TOM1L2: variants seen among roughly 807,000 people sequenced by gnomAD.
TOM1L2 encodes the protein target of myb1 like 2 membrane trafficking protein.
A neutral mutation model predicts 67.9 loss-of-function variants in TOM1L2; 31 were observed. The ratio of observed to expected loss-of-function variants is 0.46; its 90% CI spans 0.34 to 0.62. The LOEUF (loss-of-function observed/expected upper bound fraction) is 0.62. Ranked by LOEUF, TOM1L2 falls within the 20% of genes least tolerant of loss-of-function variation. The pLI is 0.01. For missense variants in TOM1L2, 606 were observed against 663.5 expected (o/e 0.91, Z 0.95); for synonymous variants, 256 against 254.0 (o/e 1.01, Z -0.07).
intron 12 of TOM1L2, chr17:17,857,945 C>T: frequency 8.4e-7 from 1 of 1,184,668 alleles, no homozygotes; most frequent in Non-Finnish European, 1.2e-6. Flanking sequence ...AGACGTGATC[C>T]TTTGCCACGT....
intron 5 of TOM1L2, among the ~76,000 whole-genome samples, chr17:17,883,559 C>T (rs906850389): frequency 2.6e-5 from 4 of 152,008 alleles, no homozygotes; most frequent in Non-Finnish European, 5.9e-5. Context: ...ACAATGAAAC[C>T]CTGTCTCTAC....
intron 1 of TOM1L2, among the ~76,000 whole-genome samples, chr17:17,934,022 A>G (rs1568317481): frequency 1.3e-5 from 2 of 152,202 alleles, no homozygotes; most frequent in Non-Finnish European, 2.9e-5. Flanking sequence ...TTTAGATACT[A>G]GGTTAGGAAA....
chr17:17,945,601 TTCTC>T (rs796803455), intron 1 of TOM1L2, among the ~76,000 whole-genome samples: 62 of 152,312 alleles, frequency 4.1e-4, no homozygotes, highest in African/African-American at 1.4e-3. Context: ...CATACCCATC[TTCTC>T]TCTATTTACA....
intron 1 of TOM1L2, among the ~76,000 whole-genome samples, chr17:17,912,942 G>A (rs573843462): frequency 6.6e-6 from 1 of 152,348 alleles, no homozygotes; most frequent in Non-Finnish European, 1.5e-5. Context: ...CCGGCACCTC[G>A]GGAGGCCGAG....
rs1409025893 is a variant in TOM1L2, at chr17:17,850,964, G to C, written c.1279-12C>G. 3 of 1,613,372 alleles carry C rather than the reference G, an allele frequency of 1.9e-6. No homozygotes were observed. Among genetic ancestry groups the C allele is most frequent in the Admixed American group, 3.3e-5 (2 of 59,996 alleles). ...TGCGCAACGGGGATCTATGGAGGCG[G>C]CAAGCAGCGGGCCAGGCAGCCCCCA... is the stretch of plus-strand genomic sequence containing the variant. On this transcript the variant is annotated splice_polypyrimidine_tract_variant and intron_variant, in intron 12 of 14. Transcript: ENST00000379504.
chr17:17,881,297 C>G (rs1350840403), intron 6 of TOM1L2, among the ~76,000 whole-genome samples: 1 of 152,136 alleles, frequency 6.6e-6, no homozygotes, highest in African/African-American at 2.4e-5. Context: ...CTCTGAAGCC[C>G]TGGGTCCTCT....
In TOM1L2 at chr17:17,857,593, A is replaced by G. The variant is rs146944644; in HGVS notation, c.1278+3883T>C. ...TTTTGGGACTGGGAATCTGTGGCTT[A>G]CAGAGATTATGCAAAAATAGGAGGG... On this transcript the variant is annotated intron_variant, in intron 12 of 14. Transcript: ENST00000379504. Among the ~76,000 whole-genome samples, 28 of 152,336 alleles carry G rather than the reference A, an allele frequency of 1.8e-4. No homozygotes were observed. In the East Asian group the frequency reaches 3.9e-3, roughly 21 times the overall value.
At chr17:17,968,122 C>T (rs1179877002) in intron 1 of TOM1L2, among the ~76,000 whole-genome samples, 4 of 152,176 alleles carry the variant, frequency 2.6e-5, no homozygotes, top group South Asian at 2.1e-4. Flanking sequence ...CTCCACCAAC[C>T]GCTCAGACAG....
At chr17:17,882,952 C>A (rs2037808254) in intron 5 of TOM1L2, 89 bp from the exon 6 acceptor site, 2 of 1,501,830 alleles carry the variant, frequency 1.3e-6, no homozygotes, top group Non-Finnish European at 1.8e-6. Flanking sequence ...AGCACTTCCC[C>A]AAGGCTGCCC....
chr17:17,962,656 C>A (rs1395796776), intron 1 of TOM1L2, among the ~76,000 whole-genome samples: 1 of 151,852 alleles, frequency 6.6e-6, no homozygotes, highest in Admixed American at 6.6e-5. Flanking sequence ...ACACTTAAAA[C>A]CAGTTAAAAT....
At chr17:17,910,981 G>A (rs1188918292) in intron 1 of TOM1L2, among the ~76,000 whole-genome samples, 1 of 152,210 alleles carries the variant, frequency 6.6e-6, no homozygotes, top group Non-Finnish European at 1.5e-5. Flanking sequence ...TTTGCCTTCT[G>A]GTGTTGGCTG....
chr17:17,864,145 A>G (rs1326899407), intron 10 of TOM1L2, among the ~76,000 whole-genome samples: 2 of 152,042 alleles, frequency 1.3e-5, no homozygotes, highest in African/African-American at 4.8e-5. Context: ...CTGGGATTAC[A>G]GGCGTGAGCC....
chr17:17,910,243 A>G (rs1186558688), intron 1 of TOM1L2, among the ~76,000 whole-genome samples: 1 of 152,172 alleles, frequency 6.6e-6, no homozygotes, highest in African/African-American at 2.4e-5. Context: ...CCAGGAGCTC[A>G]GGATCGTCAG....
chr17:17,869,439 C>T lies in TOM1L2; in HGVS notation c.812G>A (p.Arg271His). The change falls in exon 8 of 15, where the codon CGC (arginine) becomes CAC (histidine). Residue 271 changes from arginine to histidine, a missense_variant. By Grantham distance (29) the Arg-to-His change is conservative (BLOSUM62 0). Transcript: ENST00000379504. ...CACGCGGGAGATGAGCTCCACGATG[C>T]GCTGCTGCATGGCCCGACAGGTCCT... ...LNRTCRAMQQ[R>H]IVELISRVSN... is the part of the protein sequence containing the mutation. 1.9e-6 allele frequency: 3 copies of T among 1,612,806 alleles called. No homozygotes were observed. The highest frequency in any genetic ancestry group is 2.5e-6 in the Non-Finnish European group (3 of 1,179,696).
At chr17:17,908,054 A>G (rs890270876) in intron 1 of TOM1L2, among the ~76,000 whole-genome samples, 5 of 152,242 alleles carry the variant, frequency 3.3e-5, no homozygotes, top group African/African-American at 1.2e-4. Context: ...ATTATTAAAA[A>G]TCAATTGCAG....
chr17:17,847,731 G>T lies in TOM1L2; in HGVS notation c.1428C>A (p.Asp476Glu), dbSNP rs761812249. 7 of 1,614,060 alleles carry T rather than the reference G, an allele frequency of 4.3e-6. No individual in the cohort carries two copies. The highest frequency in any genetic ancestry group is 4.2e-6 in the Non-Finnish European group (5 of 1,180,000). ...ERAKAAEMVPDLPSPPMEAPA... is the reference protein window; with the variant it reads ...ERAKAAEMVPELPSPPMEAPA... ...GAGCCTCCATGGGGGGCGAGGGGAG[G>T]TCGGGAACCATTTCAGCAGCTTTGG... Residue 476 changes from aspartate (D) to glutamate (E), a missense_variant, in exon 15 of 15, where the codon GAC becomes GAA. Coordinates refer to ENST00000379504, the MANE Select transcript of TOM1L2 (RefSeq NM_001082968.2).
At chr17:17,888,366 A>C (rs574798401) in intron 4 of TOM1L2, among the ~76,000 whole-genome samples, 11 of 152,320 alleles carry the variant, frequency 7.2e-5, no homozygotes, top group African/African-American at 2.4e-4. Context: ...CATAAACCAT[A>C]ACCTATTCAT....
chr17:17,944,199 C>T (rs2040848471), intron 1 of TOM1L2, among the ~76,000 whole-genome samples: 1 of 152,228 alleles, frequency 6.6e-6, no homozygotes, highest in Non-Finnish European at 1.5e-5. Flanking sequence ...TGCAAGCCAT[C>T]ATGGTGCCTG....
intron 5 of TOM1L2, among the ~76,000 whole-genome samples, chr17:17,883,205 G>T (rs1415500386): frequency 2.0e-5 from 3 of 152,156 alleles, no homozygotes; most frequent in African/African-American, 7.2e-5. Context: ...AGGGAGGGCG[G>T]TTATTAAGTT....
Sources: gnomAD v4.1 joint callset for allele counts (sites outside exome capture counted in the v4.1 genomes callset) on GRCh38, gnomAD v4.1.1 for gene constraint, MANE v1.5 for transcripts, NCBI Gene and HGNC (gene_info 2026-07-23, HGNC 2026-07-21) for gene names.